Variants in RAVER1 observed in about 807,000 individuals in gnomAD.
RAVER1 encodes ribonucleoprotein PTB-binding 1.
A neutral mutation model predicts 68.4 loss-of-function variants in RAVER1; 36 were observed. The observed-to-expected ratio is 0.53, with a 90% CI of 0.40 to 0.70. The LOEUF is 0.70. Among genes scored for constraint, RAVER1 ranks in the 30% least tolerant of loss-of-function variants. RAVER1 has a pLI of 0.00. For synonymous variants in RAVER1, 469 were observed against 472.7 expected (o/e 0.99, Z 0.10); for missense variants, 933 against 1,019.8 (o/e 0.91, Z 1.16).
chr19:10,318,444 T>A (rs281427), intron 10 of RAVER1, 72 bp from the exon 11 acceptor site: 1 of 1,190,040 alleles, frequency 8.4e-7, no homozygotes, highest in Non-Finnish European at 1.2e-6. Context: ...ATCTTCCCTC[T>A]GCCTCCCAGG....
chr19:10,331,176 C>T (rs200967451), intron 1 of RAVER1, among the ~76,000 whole-genome samples: 12 of 149,386 alleles, frequency 8.0e-5, no homozygotes, highest in African/African-American at 1.7e-4. Flanking sequence ...GGTGAAACCC[C>T]GTCTCTACTA....
chr19:10,319,592 T>C lies in RAVER1; in HGVS notation c.1771-352A>G, dbSNP rs548490130. Among the ~76,000 whole-genome samples the C allele has an allele frequency of 1.3e-4, 20 of 151,938 alleles. No homozygotes were observed. In the South Asian group the frequency reaches 3.5e-3, roughly 27 times the overall value. Reference sequence around the variant, plus strand: ...CGGCCAGTTTGCAATTTCTTTCTTTTTTTTTTTTAAACGGAGTTTTGCTCT... The same window carrying C: ...CGGCCAGTTTGCAATTTCTTTCTTTCTTTTTTTTAAACGGAGTTTTGCTCT... On this transcript the variant is annotated intron_variant, in intron 9 of 12. Coordinates refer to ENST00000617231, the MANE Select transcript of RAVER1 (RefSeq NM_133452.3).
chr19:10,327,178 G>C (rs1014622166), intron 3 of RAVER1, among the ~76,000 whole-genome samples: 4 of 151,812 alleles, frequency 2.6e-5, no homozygotes, highest in Admixed American at 2.6e-4. Flanking sequence ...CAGACACCTA[G>C]TTTAAATGGG....
rs1467036674 is a variant in RAVER1 at position 10,329,334 on chromosome 19, A to AC, written c.287-224dup. On this transcript the variant is annotated intron_variant, in intron 2 of 12. Transcript: ENST00000617231. This position sits in a 1 kb window ranked among gnomAD's most constrained non-coding sequence, Gnocchi z 4.6. The stretch of plus-strand genomic sequence containing the variant: ...CTCTCCCAGCCCTGCGTCCACCTGC[A>AC]CCCACAGCAGCGCTCACCAACTGTG... Among the ~76,000 whole-genome samples the AC allele has an allele frequency of 6.6e-6, 1 of 152,116 alleles. No homozygotes were observed. The highest frequency in any genetic ancestry group is 2.4e-5 in the African/African-American group (1 of 41,432).
In RAVER1 at chr19:10,321,253, C is replaced by T; in HGVS notation, c.1268G>A (p.Gly423Asp). The T allele has an allele frequency of 7.8e-7, 1 of 1,276,052 alleles. No individual in the cohort carries two copies. Among genetic ancestry groups the T allele is most frequent in the Non-Finnish European group, 9.9e-7 (1 of 1,008,200 alleles). 79.0% of individuals were successfully genotyped at this position (1,276,052 alleles called of 1,614,324 possible). A position where few individuals can be genotyped will look rare whatever the true frequency, so the allele number is the denominator to read the frequency against. The change falls in exon 8 of 13, where the codon GGC (glycine) becomes GAC (aspartate). Residue 423 changes from glycine (G) to aspartate (D), a missense_variant. By Grantham distance (94) the Gly-to-Asp change is moderately conservative. Coordinates refer to ENST00000617231, the MANE Select transcript of RAVER1 (RefSeq NM_133452.3). ...CCGGGGCGGCAGCTCCGGGGGCAGG[C>T]CCCCTCCTAGGGAGGGAAGGAGGAT... ...PLLGELPAGGGLPPELPPRRG... is the reference protein window; with the variant it reads ...PLLGELPAGGDLPPELPPRRG...
chr19:10,320,751 G>A lies in RAVER1; in HGVS notation c.1674C>T (p.Ala558=). Residue 558 remains alanine, a synonymous_variant, in exon 9 of 13, where the codon GCC becomes GCT. Transcript: ENST00000617231. ...TGAGCAGGCGGGACTTGAGCTGGAA[G>A]GCTTTGCTGCTGCTGCTGCCACCTC... ...APGGGSSSSK[A]FQLKSRLLSP... 6.6e-7 allele frequency: 1 copy of A among 1,520,732 alleles called. No individual in the cohort carries two copies. Among genetic ancestry groups the A allele is most frequent in the Non-Finnish European group, 8.7e-7 (1 of 1,143,908 alleles). The allele number at this position is 1,520,732 out of a possible 1,614,324, so 94.2% of individuals were successfully genotyped here. A position where few individuals can be genotyped will look rare whatever the true frequency, so the allele number is the denominator to read the frequency against.
At chr19:10,318,450 C>G (rs1359969481) in intron 10 of RAVER1, 78 bp from the exon 11 acceptor site, 6 of 1,109,674 alleles carry the variant, frequency 5.4e-6, no homozygotes, top group Non-Finnish European at 6.4e-6. Context: ...CCTCTGCCTC[C>G]CAGGTTCAAG....
Position 10,333,276 on chromosome 19 carries a change from C to A in RAVER1, c.219+13G>T. ...TATTTCCCGCCACGCTCCTACACCGCCCCCCCCAATACCTGGTTGGTCACG... is the reference window on the plus strand; with the variant it reads ...TATTTCCCGCCACGCTCCTACACCGACCCCCCCAATACCTGGTTGGTCACG... On this transcript the variant is annotated intron_variant, in intron 1 of 12. Transcript: ENST00000617231. The surrounding 1 kb of genome is among the most constrained non-coding windows in gnomAD (Gnocchi z 4.2). 6.3e-7 allele frequency: 1 copy of A among 1,597,850 alleles called. No homozygotes were observed. The highest frequency in any genetic ancestry group is 8.5e-7 in the Non-Finnish European group (1 of 1,171,040).
At position 10,317,240 on chromosome 19, in the gene RAVER1, A is replaced by G. The variant is rs1279619604; in HGVS notation, c.*214T>C. Reference sequence around the variant, plus strand: ...CTCTCTCTTAAGGCTGCAGGGTTTCAGCGTGGGGAGCAAGCCAGAGACATA... The same window carrying G: ...CTCTCTCTTAAGGCTGCAGGGTTTCGGCGTGGGGAGCAAGCCAGAGACATA... On this transcript the variant is annotated 3_prime_UTR_variant, in exon 13 of 13. Coordinates refer to ENST00000617231, the MANE Select transcript of RAVER1 (RefSeq NM_133452.3). This position sits in a 1 kb window ranked among gnomAD's most constrained non-coding sequence, Gnocchi z 4.3. 6.7e-6 allele frequency: 4 copies of G among 597,366 alleles called. No homozygotes were observed. The highest frequency in any genetic ancestry group is 1.2e-5 in the Non-Finnish European group (4 of 340,816). 37.0% of individuals were successfully genotyped at this position (597,366 alleles called of 1,614,324 possible).
intron 1 of RAVER1, among the ~76,000 whole-genome samples, chr19:10,332,218 G>A (rs898448033): frequency 2.0e-5 from 3 of 152,014 alleles, no homozygotes; most frequent in Non-Finnish European, 4.4e-5. Flanking sequence ...GGCTAGTCTC[G>A]AACCCTTGGG....
In RAVER1 at chr19:10,333,475, G is replaced by T; in HGVS notation, c.33C>A (p.Pro11=). ...CGGCCCCAGACTTAGGGCTCAGCGG[G>T]GGCCGGTGAGTAACGGACACGTCCG... MAADVSVTHR[P]PLSPKSGAEV... The change falls in exon 1 of 13, where the codon CCC becomes CCA. Residue 11 remains proline (P), a synonymous_variant. Transcript: ENST00000617231. The surrounding 1 kb of genome is among the most constrained non-coding windows in gnomAD (Gnocchi z 4.2). The T allele has an allele frequency of 6.2e-7, 1 of 1,609,850 alleles. No homozygotes were observed. The highest frequency in any genetic ancestry group is 8.5e-7 in the Non-Finnish European group (1 of 1,179,078).
rs2040448592 is a variant in RAVER1, at chr19:10,322,882, G to A, written c.1079-143C>T. On this transcript the variant is annotated intron_variant, in intron 5 of 12. Coordinates refer to ENST00000617231, the MANE Select transcript of RAVER1 (RefSeq NM_133452.3). The surrounding 1 kb of genome is among the most constrained non-coding windows in gnomAD (Gnocchi z 4.3). Reference sequence around the variant, plus strand: ...TGGGCAGTGGACTTGCCCAAAGGAAGGGCCTAGAAGGGGCAGAGGCTACTC... The same window carrying A: ...TGGGCAGTGGACTTGCCCAAAGGAAAGGCCTAGAAGGGGCAGAGGCTACTC... 8 of 563,508 alleles carry A rather than the reference G, an allele frequency of 1.4e-5. 1 individual carries two copies. In the South Asian group the frequency reaches 2.1e-4, roughly 15 times the overall value. 34.9% of individuals were successfully genotyped at this position (563,508 alleles called of 1,614,324 possible).
Position 10,323,267 on chromosome 19 carries a change from T to A in RAVER1, c.956A>T (p.Asn319Ile). The A allele has an allele frequency of 6.2e-7, 1 of 1,613,286 alleles. No individual in the cohort carries two copies. Among genetic ancestry groups the A allele is most frequent in the Non-Finnish European group, 8.5e-7 (1 of 1,179,596 alleles). ...ALIAAQATAL[N>I]RGKGLLPEPN... Reference sequence around the variant, plus strand: ...CTCGGGGAGGAGTCCCTTCCCCCGATTGAGGGCCTGCAGGAAGGAACAGAA... The same window carrying A: ...CTCGGGGAGGAGTCCCTTCCCCCGAATGAGGGCCTGCAGGAAGGAACAGAA... Residue 319 changes from asparagine (N) to isoleucine (I), a missense_variant, in exon 5 of 13, where the codon AAT becomes ATT. Physicochemically the swap from Asn to Ile is moderately radical, Grantham distance 149. Around this residue, in one of 3 missense-constraint regions of RAVER1, gnomAD observed 699 missense variants for 731.1 expected, o/e 0.96. Transcript: ENST00000617231. This position sits in a 1 kb window ranked among gnomAD's most constrained non-coding sequence, Gnocchi z 6.2.
In RAVER1 at chr19:10,317,306, G is replaced by A. The variant is rs2040396949; in HGVS notation, c.*148C>T. The A allele has an allele frequency of 7.0e-6, 6 of 859,908 alleles. No homozygotes were observed. The highest frequency in any genetic ancestry group is 2.7e-4 in the Middle Eastern group (1 of 3,772). 53.3% of individuals were successfully genotyped at this position (859,908 alleles called of 1,614,324 possible). A position where few individuals can be genotyped will look rare whatever the true frequency, so the allele number is the denominator to read the frequency against. ...TCCCCCACACCCCTTGGGCTCCTGGGGCTCCGGCTGATTGGTCAGTAAAGT... is the reference window on the plus strand; with the variant it reads ...TCCCCCACACCCCTTGGGCTCCTGGAGCTCCGGCTGATTGGTCAGTAAAGT... On this transcript the variant is annotated 3_prime_UTR_variant, in exon 13 of 13. Coordinates refer to ENST00000617231, the MANE Select transcript of RAVER1 (RefSeq NM_133452.3). This position sits in a 1 kb window ranked among gnomAD's most constrained non-coding sequence, Gnocchi z 4.3.
In RAVER1 at chr19:10,322,840, ACT is replaced by A; in HGVS notation, c.1079-103_1079-102del. On this transcript the variant is annotated intron_variant, in intron 5 of 12. Transcript: ENST00000617231. This position sits in a 1 kb window ranked among gnomAD's most constrained non-coding sequence, Gnocchi z 4.3. ...CCCATTGATGGGGCAGGAAACTGAC[ACT>A]CTGGGGCCGGGGGGTGGGCAGTGGA... 2 of 655,392 alleles carry A rather than the reference ACT, an allele frequency of 3.1e-6. No homozygotes were observed. Among genetic ancestry groups the A allele is most frequent in the East Asian group, 6.2e-5 (2 of 32,048 alleles). The allele number at this position is 655,392 out of a possible 1,614,324, so 40.6% of individuals were successfully genotyped here.
chr19:10,321,144 C>CGCTGGGGG lies in RAVER1; in HGVS notation c.1369_1376dup (p.Ala460ProfsTer50). The CGCTGGGGG allele has an allele frequency of 7.8e-7, 1 of 1,286,178 alleles. No homozygotes were observed. Among genetic ancestry groups the CGCTGGGGG allele is most frequent in the Non-Finnish European group, 9.9e-7 (1 of 1,014,704 alleles). 79.7% of individuals were successfully genotyped at this position (1,286,178 alleles called of 1,614,324 possible). On this transcript the variant is annotated frameshift_variant, in exon 8 of 13. Coordinates refer to ENST00000617231, the MANE Select transcript of RAVER1 (RefSeq NM_133452.3). LOFTEE classifies it high-confidence loss of function. Reference sequence around the variant, plus strand: ...GGGCGGGGGGAGGAGTGAGCTGGGCCGCTGGGGGACCCAAGCCCAGGGCCT... The same window carrying CGCTGGGGG: ...GGGCGGGGGGAGGAGTGAGCTGGGCCGCTGGGGGGCTGGGGGACCCAAGCCCAGGGCCT...
At chr19:10,320,600 C>CAG (rs922814544) in intron 9 of RAVER1, 55 bp downstream of exon 9, 1 of 1,459,574 alleles carries the variant, frequency 6.9e-7, no homozygotes, top group African/African-American at 1.5e-5. Flanking sequence ...AGAGAAATAT[C>CAG]AGTTTGGAGA....
chr19:10,319,053 C>A, intron 10 of RAVER1, 113 bp downstream of exon 10: 1 of 1,003,142 alleles, frequency 1.0e-6, no homozygotes, highest in Non-Finnish European at 1.5e-6. Flanking sequence ...TTAAAAAAAC[C>A]CACAAAGAAC....
rs2040497192 is a variant in RAVER1, at chr19:10,329,218, G to A, written c.287-107C>T. ...GGACCTCCAAATGCTGGGCATCTCA[G>A]GTGCCTGCTGATCTGAGCAGTTGCC... is the stretch of plus-strand genomic sequence containing the variant. On this transcript the variant is annotated intron_variant, in intron 2 of 12. Coordinates refer to ENST00000617231, the MANE Select transcript of RAVER1 (RefSeq NM_133452.3). The surrounding 1 kb of genome is among the most constrained non-coding windows in gnomAD (Gnocchi z 4.6). 5.6e-6 allele frequency: 4 copies of A among 711,996 alleles called. No homozygotes were observed. Among genetic ancestry groups the A allele is most frequent in the South Asian group, 3.9e-5 (2 of 50,928 alleles). 44.1% of individuals were successfully genotyped at this position (711,996 alleles called of 1,614,324 possible). A position where few individuals can be genotyped will look rare whatever the true frequency, so the allele number is the denominator to read the frequency against.
Sources: gnomAD v4.1 joint callset for allele counts (sites outside exome capture counted in the v4.1 genomes callset) on GRCh38, gnomAD v4.1.1 for gene constraint, gnomAD v4.1.1 regional missense constraint, Gnocchi (gnomAD v3.1) non-coding constraint, MANE v1.5 for transcripts, NCBI Gene and HGNC (gene_info 2026-07-23, HGNC 2026-07-21) for gene names.